SGK3: variants seen among roughly 807,000 people sequenced by gnomAD.
SGK3 encodes serum/glucocorticoid regulated kinase family member 3, also known as serine/threonine-protein kinase Sgk3.
SGK3 carries 47 observed loss-of-function variants against 68.5 expected under a neutral mutation model. That is an observed-to-expected ratio of 0.69 (90% CI 0.54 to 0.87). The LOEUF (loss-of-function observed/expected upper bound fraction) is 0.87. Among genes scored for constraint, SGK3 ranks in the 40% least tolerant of loss-of-function variants. SGK3 has a pLI of 0.00. For missense variants in SGK3, 479 were observed against 575.5 expected, an observed-to-expected ratio of 0.83 and a Z score of 1.72; for synonymous variants, 181 against 189.1, an observed-to-expected ratio of 0.96 and a Z score of 0.35.
intron 1 of SGK3, among the ~76,000 whole-genome samples, chr8:66,745,844 A>G (rs1279666653): frequency 6.6e-6 from 1 of 152,184 alleles, no homozygotes; most frequent in Non-Finnish European, 1.5e-5. Context: ...CTGTGTCCTC[A>G]TATGGCAAAA....
chr8:66,739,372 AC>A (rs1180655833), intron 1 of SGK3, among the ~76,000 whole-genome samples: 5 of 150,366 alleles, frequency 3.3e-5, no homozygotes, highest in African/African-American at 1.2e-4. Context: ...CTCACTCAAT[AC>A]CACACAAATT....
chr8:66,746,094 G>A (rs117656454), intron 1 of SGK3, among the ~76,000 whole-genome samples: 2,011 of 152,200 alleles, frequency 0.013, 59 homozygotes, highest in South Asian at 0.044. Flanking sequence ...GAACTATTCA[G>A]GTTTTCTAGA....
At chr8:66,835,695 G>A (rs1809494009) in intron 8 of SGK3, 68 bp from the exon 9 acceptor site, 18 of 1,509,420 alleles carry the variant, frequency 1.2e-5, no homozygotes, top group Non-Finnish European at 1.5e-5. Context: ...TTGATGTGTT[G>A]ACAAGTGAAT....
intron 6 of SGK3, among the ~76,000 whole-genome samples, chr8:66,825,123 C>T (rs1003929592): frequency 6.6e-6 from 1 of 152,126 alleles, no homozygotes; most frequent in Non-Finnish European, 1.5e-5. Flanking sequence ...GCAGACAACT[C>T]GAAGATAGAA....
chr8:66,739,099 T>A (rs1411415770), intron 1 of SGK3, among the ~76,000 whole-genome samples: 1 of 152,234 alleles, frequency 6.6e-6, no homozygotes, highest in Non-Finnish European at 1.5e-5. Context: ...AACAGAATGC[T>A]TGAGGCTGGG....
chr8:66,832,793 T>C (rs1483825504), intron 8 of SGK3, among the ~76,000 whole-genome samples: 4 of 152,108 alleles, frequency 2.6e-5, no homozygotes, highest in Admixed American at 6.6e-5. Context: ...TCTAGAGTCT[T>C]ATCAGGATTT....
intron 1 of SGK3, among the ~76,000 whole-genome samples, chr8:66,781,636 G>A (rs1806986127): frequency 6.6e-6 from 1 of 152,212 alleles, no homozygotes; most frequent in Non-Finnish European, 1.5e-5. Flanking sequence ...TGTGACTTTA[G>A]TTGAGGTTCT....
intron 15 of SGK3, 43 bp downstream of exon 15, chr8:66,847,391 T>G (rs1339505437): frequency 6.3e-7 from 1 of 1,599,110 alleles, no homozygotes; most frequent in African/African-American, 1.4e-5. Flanking sequence ...TTAAGCTTAT[T>G]TAAAATTTGG....
At chr8:66,723,131 A>ATATAT (rs1554591219) in intron 1 of SGK3, among the ~76,000 whole-genome samples, 11 of 29,496 alleles carry the variant, frequency 3.7e-4, no homozygotes, top group South Asian at 3.6e-3. Context: ...ATATATATAT[A>ATATAT]TTTTTTTTTT....
rs559377039 is a variant in SGK3, at chr8:66,851,022, T to G, written c.1320+102T>G. On this transcript the variant is annotated intron_variant, in intron 16 of 16. Coordinates refer to ENST00000521198, the MANE Select transcript of SGK3 (RefSeq NM_001033578.3). ...TCAGAATCACCTGAATTAAATGGAGTCATTACCTAAATATTTGTGAAATAT... is the reference window on the plus strand; with the variant it reads ...TCAGAATCACCTGAATTAAATGGAGGCATTACCTAAATATTTGTGAAATAT... 21 of 1,227,618 alleles carry G rather than the reference T, an allele frequency of 1.7e-5. No homozygotes were observed. In the African/African-American group the frequency reaches 3.1e-4, roughly 18 times the overall value. 76.0% of individuals were successfully genotyped at this position (1,227,618 alleles called of 1,614,324 possible). A position where few individuals can be genotyped will look rare whatever the true frequency, so the allele number is the denominator to read the frequency against.
At chr8:66,819,022 A>G (rs1174229657) in intron 5 of SGK3, among the ~76,000 whole-genome samples, 2 of 152,246 alleles carry the variant, frequency 1.3e-5, no homozygotes, top group Admixed American at 1.3e-4. Context: ...TTCCATCAGC[A>G]TGTGAAATCA....
intron 7 of SGK3, among the ~76,000 whole-genome samples, chr8:66,829,383 G>C (rs1278370811): frequency 6.6e-6 from 1 of 152,090 alleles, no homozygotes; most frequent in African/African-American, 2.4e-5. Flanking sequence ...AATGATTATA[G>C]GCAGATGGGA....
At chr8:66,838,693 A>T (rs1482164842) in intron 10 of SGK3, among the ~76,000 whole-genome samples, 1 of 152,166 alleles carries the variant, frequency 6.6e-6, no homozygotes, top group Non-Finnish European at 1.5e-5. Context: ...AAGATAATGA[A>T]AAAAGGAGAA....
chr8:66,787,602 C>G (rs1197566831), intron 1 of SGK3, among the ~76,000 whole-genome samples: 1 of 152,126 alleles, frequency 6.6e-6, no homozygotes, highest in African/African-American at 2.4e-5. Context: ...GCCTCCACAC[C>G]TACTGCTTTG....
chr8:66,734,861 C>T (rs1361019456), intron 1 of SGK3, among the ~76,000 whole-genome samples: 1 of 150,952 alleles, frequency 6.6e-6, no homozygotes, highest in Non-Finnish European at 1.5e-5. Context: ...GCAGGAGAAT[C>T]GCTTGAACCC....
chr8:66,813,860 TAAAC>T lies in SGK3; in HGVS notation c.265_268del (p.Gln89AspfsTer5), dbSNP rs756037733. On this transcript the variant is annotated frameshift_variant, in exon 5 of 17. Coordinates refer to ENST00000521198, the MANE Select transcript of SGK3 (RefSeq NM_001033578.3). LOFTEE classifies it high-confidence loss of function. ...TTTATATCTCTCTTCCAGATTTTAT[TAAAC>T]AAAGACGAGCAGGACTAAACGAATT... 1.9e-6 allele frequency: 3 copies of T among 1,572,052 alleles called. No individual in the cohort carries two copies. The South Asian group carries it at 3.6e-5, about 19-fold the overall frequency.
intron 10 of SGK3, among the ~76,000 whole-genome samples, chr8:66,838,212 C>T (rs1023464878): frequency 2.6e-5 from 4 of 152,110 alleles, no homozygotes; most frequent in South Asian, 4.1e-4. Flanking sequence ...ATTACAGGCA[C>T]GTGCCATGAC....
At chr8:66,788,907 TGTG>T (rs1807320275) in intron 1 of SGK3, among the ~76,000 whole-genome samples, 1 of 152,126 alleles carries the variant, frequency 6.6e-6, no homozygotes, top group South Asian at 2.1e-4. Flanking sequence ...GATGGACCAG[TGTG>T]GTGATCTGTG....
intron 1 of SGK3, among the ~76,000 whole-genome samples, chr8:66,735,533 TG>T (rs1805294455): frequency 6.6e-6 from 1 of 152,222 alleles, no homozygotes; most frequent in African/African-American, 2.4e-5. Flanking sequence ...ATGTATCTGT[TG>T]GGCAATTCTG....
Sources: gnomAD v4.1 joint callset for allele counts (sites outside exome capture counted in the v4.1 genomes callset) on GRCh38, gnomAD v4.1.1 for gene constraint, MANE v1.5 for transcripts, NCBI Gene and HGNC (gene_info 2026-07-23, HGNC 2026-07-21) for gene names.